NDUFS1: variants seen among roughly 807,000 people sequenced by gnomAD.
NDUFS1 encodes NADH:ubiquinone oxidoreductase core subunit S1, also known as NADH-ubiquinone oxidoreductase 75 kDa subunit, mitochondrial.
Under a neutral mutation model 84.4 loss-of-function variants are expected in NDUFS1, and 61 were observed. The ratio of observed to expected loss-of-function variants is 0.72; its 90% CI spans 0.59 to 0.89. NDUFS1 has a LOEUF of 0.89. Among genes scored for constraint, NDUFS1 ranks in the 40% least tolerant of loss-of-function variants. The pLI, the probability that NDUFS1 is intolerant of heterozygous loss-of-function variation, is 0.00. For synonymous variants in NDUFS1, 275 were observed against 290.0 expected (o/e 0.95, Z 0.53); for missense variants, 891 against 890.0 (o/e 1.00, Z -0.01).
chr2:206,151,697 T>C (rs987259486), intron 3 of NDUFS1, among the ~76,000 whole-genome samples: 9 of 152,208 alleles, frequency 5.9e-5, no homozygotes, highest in African/African-American at 2.2e-4. Flanking sequence ...AGAGCATGAA[T>C]GTAAGCACAT....
At chr2:206,156,928 C>G (rs1687677837) in intron 1 of NDUFS1, among the ~76,000 whole-genome samples, 1 of 152,172 alleles carries the variant, frequency 6.6e-6, no homozygotes, top group Non-Finnish European at 1.5e-5. Flanking sequence ...AAGCTGAATT[C>G]AACTTAGGCA....
intron 16 of NDUFS1, 144 bp from the exon 17 acceptor site, chr2:206,126,988 G>A (rs1175029614): frequency 3.0e-6 from 3 of 1,009,406 alleles, no homozygotes; most frequent in Non-Finnish European, 4.4e-6. Flanking sequence ...ATTTATGAAG[G>A]AAGCAGTTAA....
intron 12 of NDUFS1, among the ~76,000 whole-genome samples, chr2:206,141,117 C>T (rs924484096): frequency 3.3e-5 from 5 of 151,914 alleles, no homozygotes; most frequent in African/African-American, 1.2e-4. Flanking sequence ...GAAAACGGAC[C>T]TATTAGAAAT....
intron 1 of NDUFS1, 145 bp downstream of exon 1, chr2:206,159,195 AG>A: frequency 6.6e-7 from 1 of 1,520,360 alleles, no homozygotes; most frequent in Non-Finnish European, 8.8e-7. Context: ...GCCGGCTCTC[AG>A]GGGCTTCCGA....
chr2:206,136,881 G>A (rs1298935475), intron 13 of NDUFS1, among the ~76,000 whole-genome samples: 1 of 151,712 alleles, frequency 6.6e-6, no homozygotes, highest in Non-Finnish European at 1.5e-5. Context: ...TCAGCCTCCT[G>A]AGTAGCTGGG....
In NDUFS1 at chr2:206,144,960, T is replaced by G. The variant is rs1692101500; in HGVS notation, c.804A>C (p.Gly268=). 1.9e-6 allele frequency: 3 copies of G among 1,613,962 alleles called. No homozygotes were observed. The highest frequency in any genetic ancestry group is 2.7e-5 in the African/African-American group (2 of 74,918). Residue 268 remains glycine (G), a synonymous_variant, in exon 9 of 19, where the codon GGA becomes GGC. Coordinates refer to ENST00000233190, the MANE Select transcript of NDUFS1 (RefSeq NM_005006.7). ...TACGTGGCAAAATCCTCATCACTTC[T>G]CCAGTTCTTGTGCTAACCACAATAT... ...GSNIVVSTRT[G]EVMRILPRMH...
intron 14 of NDUFS1, among the ~76,000 whole-genome samples, chr2:206,131,191 T>G (rs1409274105): frequency 6.6e-6 from 1 of 152,190 alleles, no homozygotes; most frequent in Non-Finnish European, 1.5e-5. Flanking sequence ...GAAATGGTTA[T>G]CCTGTGTGCC....
intron 12 of NDUFS1, among the ~76,000 whole-genome samples, chr2:206,140,922 G>GTATATATATATATATA (rs142969226): frequency 3.1e-5 from 4 of 127,974 alleles, no homozygotes; most frequent in Non-Finnish European, 4.9e-5. Flanking sequence ...TATGTAGTGT[G>GTATATATATATATATA]TATATATATA....
intron 16 of NDUFS1, among the ~76,000 whole-genome samples, chr2:206,127,299 C>T (rs1042874587): frequency 7.9e-5 from 12 of 152,112 alleles, no homozygotes; most frequent in African/African-American, 1.4e-4. Flanking sequence ...TTCGGGAGAC[C>T]GAGGTGGGAG....
rs1396983176 is a variant in NDUFS1 at position 206,126,542 on chromosome 2, T to A, written c.2089A>T (p.Thr697Ser). 1.2e-6 allele frequency: 2 copies of A among 1,613,972 alleles called. No homozygotes were observed. The highest frequency in any genetic ancestry group is 1.7e-6 in the Non-Finnish European group (2 of 1,179,950). The change falls in exon 18 of 19, where the codon ACA becomes TCA. Residue 697 changes from threonine (T) to serine (S), a missense_variant. Physicochemically the swap from Thr to Ser is moderately conservative, Grantham distance 58. Coordinates refer to ENST00000233190, the MANE Select transcript of NDUFS1 (RefSeq NM_005006.7). Reference protein sequence around the residue: ...PQLTIKDFYMTDSISRASQTM... With the variant: ...PQLTIKDFYMSDSISRASQTM... ...AGTCATGTTGACAATTACATACCTG[T>A]CATGTAGAAGTCTTTTATAGTTAGC... is the stretch of plus-strand genomic sequence containing the variant.
chr2:206,158,208 C>A (rs1001271223), intron 1 of NDUFS1, among the ~76,000 whole-genome samples: 1 of 152,022 alleles, frequency 6.6e-6, no homozygotes, highest in Non-Finnish European at 1.5e-5. Flanking sequence ...GTGATCCGCC[C>A]GCCTCGGCCT....
intron 5 of NDUFS1, among the ~76,000 whole-genome samples, chr2:206,148,523 G>A (rs944988080): frequency 3.3e-5 from 5 of 152,052 alleles, no homozygotes; most frequent in South Asian, 2.1e-4. Context: ...GGTGGCTCAC[G>A]TCTGTAATCC....
intron 15 of NDUFS1, among the ~76,000 whole-genome samples, chr2:206,129,712 C>A (rs1418117552): frequency 6.6e-6 from 1 of 151,918 alleles, no homozygotes; most frequent in Non-Finnish European, 1.5e-5. Context: ...CTGTCTTAGC[C>A]TCCCGAGTAG....
At chr2:206,140,897 T>TCA in intron 12 of NDUFS1, among the ~76,000 whole-genome samples, 1 of 143,102 alleles carries the variant, frequency 7.0e-6, no homozygotes, top group South Asian at 2.2e-4. Flanking sequence ...AAAATTAGAT[T>TCA]CACACACACA....
rs899950560 is a variant in NDUFS1 at position 206,117,226 on chromosome 2, T to C, written c.*6959A>G. ...TCAACCCATCACCCAGTCTGTGATATTCTGTTTTAACAGCAGAAACAAAGA... is the reference window on the plus strand; with the variant it reads ...TCAACCCATCACCCAGTCTGTGATACTCTGTTTTAACAGCAGAAACAAAGA... On this transcript the variant is annotated 3_prime_UTR_variant, in exon 19 of 19. Coordinates refer to ENST00000233190, the MANE Select transcript of NDUFS1 (RefSeq NM_005006.7). 1 of 152,166 alleles carries C rather than the reference T, an allele frequency of 6.6e-6. No homozygotes were observed. The highest frequency in any genetic ancestry group is 2.4e-5 in the African/African-American group (1 of 41,436). The allele number at this position is 152,166 out of a possible 1,614,324, so 9.4% of individuals were successfully genotyped here.
chr2:206,115,560 T>C lies in NDUFS1; in HGVS notation c.*8625A>G, dbSNP rs796411984. The C allele has an allele frequency of 5.6e-6, 1 of 178,514 alleles. No homozygotes were observed. The highest frequency in any genetic ancestry group is 1.2e-5 in the Non-Finnish European group (1 of 86,070). 11.1% of individuals were successfully genotyped at this position (178,514 alleles called of 1,614,324 possible). A position where few individuals can be genotyped will look rare whatever the true frequency, so the allele number is the denominator to read the frequency against. On this transcript the variant is annotated 3_prime_UTR_variant, in exon 19 of 19. Transcript: ENST00000233190. ...GTAAGAAGTAAATTTTTTTTTTTTT[T>C]AACGAAGAAGTGAGTATTTTATTAT... is the stretch of plus-strand genomic sequence containing the variant.
At position 206,139,690 on chromosome 2, in the gene NDUFS1, T is replaced by C. The variant is rs73067824; in HGVS notation, c.1263-1076A>G. Among the ~76,000 whole-genome samples, 1,325 of 152,078 alleles carry C rather than the reference T, an allele frequency of 8.7e-3. 16 individuals carry two copies. The highest frequency in any genetic ancestry group is 0.03 in the African/African-American group (1,258 of 41,482). ...CAAAAAGTCATAAGTGCAATGACTA[T>C]ATAGTCTGGTTTGTCTGAGATAATG... On this transcript the variant is annotated intron_variant, in intron 12 of 18. Coordinates refer to ENST00000233190, the MANE Select transcript of NDUFS1 (RefSeq NM_005006.7).
intron 5 of NDUFS1, among the ~76,000 whole-genome samples, chr2:206,148,766 G>C (rs1692256715): frequency 6.6e-6 from 1 of 152,138 alleles, no homozygotes; most frequent in South Asian, 2.1e-4. Flanking sequence ...AGTAAGTCCA[G>C]ATTCACCCTT....
At chr2:206,141,710 GT>G (rs1186282185) in intron 12 of NDUFS1, among the ~76,000 whole-genome samples, 18 of 149,692 alleles carry the variant, frequency 1.2e-4, no homozygotes, top group African/African-American at 3.4e-4. Flanking sequence ...GGCTAACATG[GT>G]GAAACCCCAT....
Sources: allele counts gnomAD v4.1 joint callset (sites outside exome capture counted in the v4.1 genomes callset), GRCh38; gene constraint gnomAD v4.1.1; transcripts MANE v1.5; gene names NCBI Gene and HGNC (gene_info 2026-07-23, HGNC 2026-07-21).